Variants in SPAG16 observed in about 807,000 individuals in gnomAD.
The protein encoded by SPAG16 is sperm associated antigen 16.
In SPAG16, 86 loss-of-function variants were observed where a neutral mutation model predicts 80.4. That is an observed-to-expected ratio of 1.07 (90% CI 0.90 to 1.28). The LOEUF is 1.28. Ranked by LOEUF, SPAG16 falls within the 50% of genes most tolerant of loss-of-function variation. The probability of loss-of-function intolerance (pLI) is 0.00; values close to 1 mark genes in which losing one functional copy is unlikely to be tolerated. For missense variants in SPAG16, 870 were observed against 765.3 expected (o/e 1.14, Z -1.61); for synonymous variants, 294 against 265.9 (o/e 1.11, Z -1.03).
intron 10 of SPAG16, among the ~76,000 whole-genome samples, chr2:213,667,771 C>A (rs1361698191): frequency 6.6e-6 from 1 of 152,176 alleles, no homozygotes; most frequent in African/African-American, 2.4e-5. Flanking sequence ...TCATATCTCA[C>A]ATACATAGAC....
At chr2:213,865,817 A>G (rs1316809288) in intron 11 of SPAG16, among the ~76,000 whole-genome samples, 1 of 148,186 alleles carries the variant, frequency 6.7e-6, no homozygotes, top group Non-Finnish European at 1.5e-5. Flanking sequence ...GAGGTACAAT[A>G]CATTAGATAT....
At chr2:214,139,961 A>AT (rs2125532135) in intron 14 of SPAG16, among the ~76,000 whole-genome samples, 1 of 152,356 alleles carries the variant, frequency 6.6e-6, no homozygotes, top group African/African-American at 2.4e-5. Context: ...CCTATGACTT[A>AT]TAAGGCTCTA....
At chr2:214,143,238 T>C (rs1399090669) in intron 14 of SPAG16, among the ~76,000 whole-genome samples, 19 of 118,122 alleles carry the variant, frequency 1.6e-4, no homozygotes, top group African/African-American at 5.6e-4. Flanking sequence ...TTTTGGGTTT[T>C]TTTTTTTTTT....
intron 15 of SPAG16, among the ~76,000 whole-genome samples, chr2:214,353,555 A>T (rs950701771): frequency 2.6e-5 from 4 of 152,170 alleles, no homozygotes; most frequent in Non-Finnish European, 5.9e-5. Flanking sequence ...AACAGATCAC[A>T]TACTGCCTTT....
At chr2:213,836,700 C>T (rs180948840) in intron 10 of SPAG16, among the ~76,000 whole-genome samples, 1,582 of 152,140 alleles carry the variant, frequency 0.01, 14 homozygotes, top group Middle Eastern at 0.017. Context: ...CAACCTCTGC[C>T]TCCCAGGTTC....
chr2:214,099,071 A>C (rs2125356726), intron 13 of SPAG16, among the ~76,000 whole-genome samples: 1 of 152,218 alleles, frequency 6.6e-6, no homozygotes, highest in East Asian at 1.9e-4. Flanking sequence ...GTCATTGATT[A>C]ATTAGATAGG....
Position 213,968,278 on chromosome 2 carries a change from A to G in SPAG16, c.1400+38133A>G, listed in dbSNP as rs916394196. Among the ~76,000 whole-genome samples the G allele has an allele frequency of 3.3e-5, 5 of 151,526 alleles. 1 individual carries two copies. The highest frequency in any genetic ancestry group is 1.2e-4 in the African/African-American group (5 of 41,210). ...CAATCTCCGCCTCCCAAGTTCAAGT[A>G]TTTCTCCTGCCTCAGCCTCCCAAGC... On this transcript the variant is annotated intron_variant, in intron 12 of 15. Coordinates refer to ENST00000331683, the MANE Select transcript of SPAG16 (RefSeq NM_024532.5).
intron 15 of SPAG16, among the ~76,000 whole-genome samples, chr2:214,217,353 G>T (rs972778381): frequency 6.6e-6 from 1 of 152,146 alleles, no homozygotes; most frequent in Non-Finnish European, 1.5e-5. Context: ...ATTGACTTGG[G>T]GAAAAGCAAG....
chr2:213,609,776 T>C (rs1204058874), intron 10 of SPAG16, among the ~76,000 whole-genome samples: 1 of 152,180 alleles, frequency 6.6e-6, no homozygotes, highest in Non-Finnish European at 1.5e-5. Context: ...ACTCAGCAAA[T>C]TGAGTTTTGA....
chr2:213,953,090 C>G (rs2043937222), intron 12 of SPAG16, among the ~76,000 whole-genome samples: 1 of 151,758 alleles, frequency 6.6e-6, no homozygotes, highest in African/African-American at 2.4e-5. Flanking sequence ...ATGAAAAGGA[C>G]TAGTAGTTCA....
At chr2:213,604,138 C>T (rs905879708) in intron 10 of SPAG16, among the ~76,000 whole-genome samples, 7 of 151,884 alleles carry the variant, frequency 4.6e-5, no homozygotes, top group African/African-American at 7.3e-5. Context: ...GTGATCTGCC[C>T]GCCTCGGCCT....
At chr2:213,710,568 G>A (rs969468608) in intron 10 of SPAG16, among the ~76,000 whole-genome samples, 1 of 152,206 alleles carries the variant, frequency 6.6e-6, no homozygotes, top group Non-Finnish European at 1.5e-5. Flanking sequence ...TTAGTGTGGC[G>A]ACTCTGAAAA....
chr2:214,371,546 A>C (rs1321747913), intron 15 of SPAG16, among the ~76,000 whole-genome samples: 1 of 151,658 alleles, frequency 6.6e-6, no homozygotes, highest in Non-Finnish European at 1.5e-5. Flanking sequence ...AAAAAAAAAA[A>C]AAAATAGTAT....
At chr2:214,274,705 T>G (rs1692313379) in intron 15 of SPAG16, among the ~76,000 whole-genome samples, 1 of 152,160 alleles carries the variant, frequency 6.6e-6, no homozygotes, top group East Asian at 1.9e-4. Context: ...TTGCCAGTAT[T>G]TTATTGAGGA....
intron 15 of SPAG16, among the ~76,000 whole-genome samples, chr2:214,212,433 G>T (rs545946956): frequency 1.8e-4 from 28 of 152,014 alleles, no homozygotes; most frequent in African/African-American, 5.5e-4. Flanking sequence ...CAATCTCTTT[G>T]CTTTCTTCCT....
intron 14 of SPAG16, among the ~76,000 whole-genome samples, chr2:214,130,690 G>A (rs1005834185): frequency 1.3e-5 from 2 of 152,026 alleles, no homozygotes; most frequent in Non-Finnish European, 2.9e-5. Context: ...AAGTCACATC[G>A]GCAGAAAACA....
At chr2:213,927,028 G>A (rs1452553889) in intron 11 of SPAG16, among the ~76,000 whole-genome samples, 1 of 152,224 alleles carries the variant, frequency 6.6e-6, no homozygotes, top group Non-Finnish European at 1.5e-5. Context: ...TAAGACCAGA[G>A]TGCCAGCCTG....
At chr2:214,028,014 C>A (rs1284188618) in intron 13 of SPAG16, among the ~76,000 whole-genome samples, 10 of 151,870 alleles carry the variant, frequency 6.6e-5, no homozygotes, top group Non-Finnish European at 1.5e-5. Flanking sequence ...ATTTTCCCTA[C>A]CATCTTCTTA....
At chr2:213,960,989 C>T (rs1410342340) in intron 12 of SPAG16, among the ~76,000 whole-genome samples, 4 of 152,250 alleles carry the variant, frequency 2.6e-5, no homozygotes, top group South Asian at 2.1e-4. Context: ...CCATAAGCTA[C>T]GGACAAGCTG....
Sources: allele counts gnomAD v4.1 joint callset (sites outside exome capture counted in the v4.1 genomes callset), GRCh38; gene constraint gnomAD v4.1.1; transcripts MANE v1.5; gene names NCBI Gene and HGNC (gene_info 2026-07-23, HGNC 2026-07-21).